Variants in CCDC102A observed in about 807,000 individuals in gnomAD.
The protein encoded by CCDC102A is coiled-coil domain containing 102A, also known as coiled-coil domain-containing protein 102A.
A neutral mutation model predicts 55.5 loss-of-function variants in CCDC102A; 40 were observed. That is an observed-to-expected ratio of 0.72 (90% CI 0.56 to 0.94). CCDC102A has a LOEUF of 0.94. Among genes scored for constraint, CCDC102A ranks in the 40% least tolerant of loss-of-function variants. CCDC102A has a pLI of 0.00. For missense variants in CCDC102A, 779 were observed against 768.6 expected (o/e 1.01, Z -0.16); for synonymous variants, 323 against 339.0 (o/e 0.95, Z 0.52).
At chr16:57,530,251 C>T (rs1384739663) in intron 1 of CCDC102A, among the ~76,000 whole-genome samples, 2 of 152,172 alleles carry the variant, frequency 1.3e-5, no homozygotes, top group African/African-American at 4.8e-5. Context: ...CTCCCCATCG[C>T]CCAGCACTGG....
intron 1 of CCDC102A, among the ~76,000 whole-genome samples, chr16:57,533,486 A>T (rs912941529): frequency 6.6e-6 from 1 of 150,586 alleles, no homozygotes; most frequent in East Asian, 2.0e-4. Flanking sequence ...ACATTCACAC[A>T]CACACCCCCA....
chr16:57,521,111 T>G lies in CCDC102A; in HGVS notation c.878A>C (p.Lys293Thr). The G allele has an allele frequency of 6.2e-7, 1 of 1,613,742 alleles. No individual in the cohort carries two copies. Among genetic ancestry groups the G allele is most frequent in the Non-Finnish European group, 8.5e-7 (1 of 1,179,992 alleles). The change falls in exon 4 of 9, where the codon AAG becomes ACG. Residue 293 changes from lysine (K) to threonine (T), a missense_variant. Coordinates refer to ENST00000258214, the MANE Select transcript of CCDC102A (RefSeq NM_033212.4). ...LEGELSQWKI[K>T]YEELSKTKQE... is the part of the protein sequence containing the mutation. ...CTTGGTCTTGCTCAGCTCCTCATAC[T>G]TGATCTTCCACTGGCTGAGCTCCCC...
intron 1 of CCDC102A, among the ~76,000 whole-genome samples, chr16:57,535,235 G>A (rs879444476): frequency 2.6e-5 from 4 of 152,214 alleles, no homozygotes; most frequent in African/African-American, 9.6e-5. Context: ...AGGACCTCTG[G>A]GGGGAGCTGG....
chr16:57,521,372 T>G (rs1333553002), intron 3 of CCDC102A, among the ~76,000 whole-genome samples, 196 bp from the exon 4 acceptor site: 1 of 152,182 alleles, frequency 6.6e-6, no homozygotes, highest in African/African-American at 2.4e-5. Flanking sequence ...GCATTCCCTA[T>G]CCAAGTGCAA....
chr16:57,520,320 A>G (rs1341121689), intron 4 of CCDC102A, among the ~76,000 whole-genome samples: 1 of 152,124 alleles, frequency 6.6e-6, no homozygotes, highest in African/African-American at 2.4e-5. Flanking sequence ...TATCTTTTCA[A>G]GGACAGCTTC....
Position 57,528,696 on chromosome 16 carries a change from C to A in CCDC102A, c.482G>T (p.Arg161Met). ...CTGGTCGGCGACCCCCCGGGCGCCCCTCAGCCGCGCCAGCTCGCGGCCCCG... is the reference window on the plus strand; with the variant it reads ...CTGGTCGGCGACCCCCCGGGCGCCCATCAGCCGCGCCAGCTCGCGGCCCCG... ...EARGRELARL[R>M]GARGVADQTR... Residue 161 changes from arginine to methionine, a missense_variant, in exon 2 of 9, where the codon AGG becomes ATG. Transcript: ENST00000258214. 1 of 1,123,960 alleles carries A rather than the reference C, an allele frequency of 8.9e-7. No homozygotes were observed. 69.6% of individuals were successfully genotyped at this position (1,123,960 alleles called of 1,614,324 possible). A position where few individuals can be genotyped will look rare whatever the true frequency, so the allele number is the denominator to read the frequency against.
At chr16:57,518,035 C>T in intron 6 of CCDC102A, 33 bp downstream of exon 6, 1 of 1,563,734 alleles carries the variant, frequency 6.4e-7, no homozygotes, top group Non-Finnish European at 8.6e-7. Flanking sequence ...GAGGTGGCAG[C>T]CCCAGCACTG....
chr16:57,534,983 G>A (rs1408100313), intron 1 of CCDC102A, among the ~76,000 whole-genome samples: 2 of 152,208 alleles, frequency 1.3e-5, no homozygotes, highest in Non-Finnish European at 2.9e-5. Flanking sequence ...GCCAGCTGAA[G>A]GGATGGGGAG....
At chr16:57,522,002 A>G (rs1401765303) in intron 3 of CCDC102A, among the ~76,000 whole-genome samples, 3 of 152,172 alleles carry the variant, frequency 2.0e-5, no homozygotes, top group African/African-American at 7.2e-5. Flanking sequence ...CATTTAGTGG[A>G]CGGGGGCCAG....
chr16:57,518,760 A>C lies in CCDC102A; in HGVS notation c.922-19T>G. 1 of 1,574,106 alleles carries C rather than the reference A, an allele frequency of 6.4e-7. No individual in the cohort carries two copies. The highest frequency in any genetic ancestry group is 8.7e-7 in the Non-Finnish European group (1 of 1,154,956). ...TGCTGAGCTGCAGGGATAAGGCCCC[A>C]CCTGGTCATGAGAACCACCAGGATA... On this transcript the variant is annotated intron_variant, in intron 4 of 8. Transcript: ENST00000258214.
intron 2 of CCDC102A, among the ~76,000 whole-genome samples, chr16:57,527,608 T>C (rs1027334877): frequency 3.3e-5 from 5 of 152,078 alleles, no homozygotes; most frequent in African/African-American, 9.7e-5. Context: ...TTAGTAGAGA[T>C]GGGGTTTCAC....
At chr16:57,524,584 T>TAC (rs747544356) in intron 3 of CCDC102A, among the ~76,000 whole-genome samples, 44,698 of 132,286 alleles carry the variant, frequency 0.34, 8,546 homozygotes, top group African/African-American at 0.56. Flanking sequence ...CTAAAAAAAA[T>TAC]ATATATATAT....
intron 5 of CCDC102A, among the ~76,000 whole-genome samples, 168 bp from the exon 6 acceptor site, chr16:57,518,445 C>T (rs966142811): frequency 1.3e-5 from 2 of 152,238 alleles, no homozygotes; most frequent in Admixed American, 1.3e-4. Flanking sequence ...GATGTGAGGG[C>T]GCTTCTGGCC....
At chr16:57,520,595 A>ACATAACATAACATAACATAAC (rs1555519315) in intron 4 of CCDC102A, among the ~76,000 whole-genome samples, 11 of 121,604 alleles carry the variant, frequency 9.0e-5, no homozygotes, top group Middle Eastern at 4.0e-3. Flanking sequence ...ACATAACATA[A>ACATAACATAACATAACATAAC]ATAAAATAAA....
chr16:57,515,425 T>A lies in CCDC102A; in HGVS notation c.1439A>T (p.Gln480Leu). ...CAGCGACCGCTGCAGCTTACGTGCC[T>A]GGTTGTGGGCCTCGTCCAGCTGTGG... ...AEDELDEAHN[Q>L]ARKLQRSLDE... The change falls in exon 8 of 9, where the codon CAG (glutamine) becomes CTG (leucine). Residue 480 changes from glutamine (Q) to leucine (L), a missense_variant. Transcript: ENST00000258214. 6.2e-7 allele frequency: 1 copy of A among 1,606,480 alleles called. No individual in the cohort carries two copies. Among genetic ancestry groups the A allele is most frequent in the Non-Finnish European group, 8.5e-7 (1 of 1,178,264 alleles).
chr16:57,535,637 C>G (rs1386768579), intron 1 of CCDC102A, among the ~76,000 whole-genome samples: 1 of 151,644 alleles, frequency 6.6e-6, no homozygotes, highest in Admixed American at 6.6e-5. Flanking sequence ...ACCCCGACCC[C>G]AGCCCCACCC....
At chr16:57,521,284 A>C in intron 3 of CCDC102A, 108 bp from the exon 4 acceptor site, 1 of 807,732 alleles carries the variant, frequency 1.2e-6, no homozygotes, top group Non-Finnish European at 2.1e-6. Flanking sequence ...GCCCAAGTCC[A>C]AAATCCTTGC....
intron 3 of CCDC102A, among the ~76,000 whole-genome samples, chr16:57,522,838 G>A (rs1356028026): frequency 6.6e-6 from 1 of 152,152 alleles, no homozygotes; most frequent in Non-Finnish European, 1.5e-5. Flanking sequence ...GAGGAGCTAT[G>A]CCCAAGCACT....
chr16:57,530,797 C>A (rs1422840284), intron 1 of CCDC102A, among the ~76,000 whole-genome samples: 2 of 151,942 alleles, frequency 1.3e-5, no homozygotes, highest in Admixed American at 1.3e-4. Context: ...TGGCACCTCC[C>A]TTTTAAGGTC....
Sources: allele counts gnomAD v4.1 joint callset (sites outside exome capture counted in the v4.1 genomes callset), GRCh38; gene constraint gnomAD v4.1.1; transcripts MANE v1.5; gene names NCBI Gene and HGNC (gene_info 2026-07-23, HGNC 2026-07-21).